PPM1H: variants seen among roughly 807,000 people sequenced by gnomAD.
PPM1H encodes protein phosphatase 1H.
A neutral mutation model predicts 54.9 loss-of-function variants in PPM1H; 27 were observed. That is an observed-to-expected ratio of 0.49 (90% CI 0.36 to 0.68). PPM1H has a LOEUF of 0.68. Among genes scored for constraint, PPM1H ranks in the 30% least tolerant of loss-of-function variants. PPM1H has a pLI of 0.00. For missense variants in PPM1H, 596 were observed against 667.8 expected (o/e 0.89, Z 1.19); for synonymous variants, 305 against 270.8 (o/e 1.13, Z -1.24).
rs555025610 is a variant in PPM1H at position 62,705,428 on chromosome 12, G to A, written c.1074-11429C>T. Among the ~76,000 whole-genome samples, 106 of 152,268 alleles carry A rather than the reference G, an allele frequency of 7.0e-4. 1 individual carries two copies. The highest frequency in any genetic ancestry group is 2.3e-3 in the African/African-American group (97 of 41,548). On this transcript the variant is annotated intron_variant, in intron 6 of 9. Transcript: ENST00000228705. ...GCACTGGCACAGGTGCTGGGTATAC[G>A]GAGTAGAATAAAGTAAACAAAGTGA...
chr12:62,716,769 A>G (rs1269079371), intron 6 of PPM1H, among the ~76,000 whole-genome samples: 1 of 151,676 alleles, frequency 6.6e-6, no homozygotes, highest in Non-Finnish European at 1.5e-5. Flanking sequence ...GGCTTAAGTG[A>G]TCCTCCCATC....
At chr12:62,869,201 T>C (rs571194538) in intron 1 of PPM1H, among the ~76,000 whole-genome samples, 2 of 152,352 alleles carry the variant, frequency 1.3e-5, no homozygotes, top group African/African-American at 2.4e-5. Context: ...GTTTCTCTTA[T>C]GGATTTGTTT....
intron 4 of PPM1H, among the ~76,000 whole-genome samples, chr12:62,742,647 AAAAC>A (rs1474589299): frequency 6.6e-6 from 1 of 152,192 alleles, no homozygotes; most frequent in Non-Finnish European, 1.5e-5. Context: ...AATTAAGAAA[AAAAC>A]AAAAACCAAA....
chr12:62,663,291 A>G (rs345948), intron 9 of PPM1H, among the ~76,000 whole-genome samples: 54,215 of 151,736 alleles, frequency 0.36, 11,388 homozygotes, highest in Middle Eastern at 0.51. Flanking sequence ...CTACCATTGG[A>G]GTTTTTATTT....
At chr12:62,909,914 TGAA>T (rs1267759587) in intron 1 of PPM1H, among the ~76,000 whole-genome samples, 2 of 152,356 alleles carry the variant, frequency 1.3e-5, no homozygotes, top group East Asian at 3.9e-4. Flanking sequence ...ATTGTGGAAT[TGAA>T]GAATGACATA....
At chr12:62,752,456 T>C (rs2076447698) in intron 4 of PPM1H, among the ~76,000 whole-genome samples, 2 of 152,210 alleles carry the variant, frequency 1.3e-5, no homozygotes, top group South Asian at 4.1e-4. Flanking sequence ...AGATTTCTCA[T>C]TGTCATTTCC....
At chr12:62,811,958 C>A (rs1392007164) in intron 2 of PPM1H, among the ~76,000 whole-genome samples, 1 of 152,164 alleles carries the variant, frequency 6.6e-6, no homozygotes, top group Non-Finnish European at 1.5e-5. Context: ...GTTGTCACTC[C>A]ATTTTGCCAA....
rs1242279515 is a variant in PPM1H at position 62,844,913 on chromosome 12, C to G, written c.246-12634G>C. 6.6e-6 allele frequency among the ~76,000 whole-genome samples: 1 copy of G among 152,204 alleles called. No individual in the cohort carries two copies. Among genetic ancestry groups the G allele is most frequent in the African/African-American group, 2.4e-5 (1 of 41,460 alleles). Reference sequence around the variant, plus strand: ...CATAGAAAAAAATTAATTATAAGCACTTCTACTAGGAAATGAGCTTGGGAG... The same window carrying G: ...CATAGAAAAAAATTAATTATAAGCAGTTCTACTAGGAAATGAGCTTGGGAG... On this transcript the variant is annotated intron_variant, in intron 1 of 9. Coordinates refer to ENST00000228705, the MANE Select transcript of PPM1H (RefSeq NM_020700.2). This position sits in a 1 kb window ranked among gnomAD's most constrained non-coding sequence, Gnocchi z 5.2.
chr12:62,925,964 G>C (rs149684825), intron 1 of PPM1H, among the ~76,000 whole-genome samples: 128 of 152,316 alleles, frequency 8.4e-4, no homozygotes, highest in African/African-American at 3.0e-3. Context: ...ATCTATAGTA[G>C]TAGAATCTTC....
chr12:62,755,727 C>A (rs377170520), intron 4 of PPM1H: 2 of 720,618 alleles, frequency 2.8e-6, no homozygotes, highest in East Asian at 5.0e-5. Flanking sequence ...ATGACAACTC[C>A]GGTATCGTGG....
intron 4 of PPM1H, among the ~76,000 whole-genome samples, chr12:62,765,837 G>A (rs1013878340): frequency 6.6e-6 from 1 of 152,202 alleles, no homozygotes; most frequent in Admixed American, 6.5e-5. Context: ...CAGAGGAGGA[G>A]GGCAGCATGT....
At chr12:62,853,178 C>A (rs1869259176) in intron 1 of PPM1H, among the ~76,000 whole-genome samples, 1 of 151,684 alleles carries the variant, frequency 6.6e-6, no homozygotes. Context: ...GAGAAATGTG[C>A]TTGTTCTTAG....
At chr12:62,723,207 C>CTGG (rs1281354482) in intron 5 of PPM1H, among the ~76,000 whole-genome samples, 1 of 152,020 alleles carries the variant, frequency 6.6e-6, no homozygotes, top group Non-Finnish European at 1.5e-5. Flanking sequence ...AGTATCATAC[C>CTGG]ACATATCCCT....
intron 6 of PPM1H, among the ~76,000 whole-genome samples, chr12:62,711,589 T>C (rs534522376): frequency 3.3e-4 from 50 of 152,286 alleles, no homozygotes; most frequent in African/African-American, 1.2e-3. Flanking sequence ...ACATACATAC[T>C]GTACAACCCC....
At chr12:62,723,210 A>G (rs967180634) in intron 5 of PPM1H, among the ~76,000 whole-genome samples, 1 of 152,130 alleles carries the variant, frequency 6.6e-6, no homozygotes, top group Non-Finnish European at 1.5e-5. Flanking sequence ...ATCATACCAC[A>G]TATCCCTAGC....
At chr12:62,880,518 C>T (rs754560952) in intron 1 of PPM1H, among the ~76,000 whole-genome samples, 45 of 152,176 alleles carry the variant, frequency 3.0e-4, no homozygotes, top group Non-Finnish European at 5.6e-4. Flanking sequence ...CACTTATACA[C>T]TTGAGGGGAG....
At chr12:62,678,434 A>C (rs528295219) in intron 8 of PPM1H, among the ~76,000 whole-genome samples, 1 of 152,260 alleles carries the variant, frequency 6.6e-6, no homozygotes, top group East Asian at 1.9e-4. Flanking sequence ...TTGTGTGACC[A>C]TGAATTATTG....
intron 1 of PPM1H, among the ~76,000 whole-genome samples, chr12:62,853,954 G>A (rs1328829882): frequency 1.3e-5 from 2 of 152,068 alleles, no homozygotes; most frequent in African/African-American, 2.4e-5. Flanking sequence ...TACAGAGATG[G>A]CCAAGCTGCA....
chr12:62,794,737 C>A (rs368575817), intron 3 of PPM1H, among the ~76,000 whole-genome samples: 1 of 151,986 alleles, frequency 6.6e-6, no homozygotes, highest in Non-Finnish European at 1.5e-5. Flanking sequence ...ATTATTCAAC[C>A]ATGTTTTTGG....
Sources: allele counts gnomAD v4.1 joint callset (sites outside exome capture counted in the v4.1 genomes callset), GRCh38; gene constraint gnomAD v4.1.1; non-coding constraint Gnocchi (gnomAD v3.1); transcripts MANE v1.5; gene names NCBI Gene and HGNC (gene_info 2026-07-23, HGNC 2026-07-21).